Variants in OVCH1 observed in about 807,000 individuals in gnomAD.
OVCH1 encodes ovochymase 1, also known as ovochymase-1.
OVCH1 carries 139 observed loss-of-function variants against 138.4 expected under a neutral mutation model. That is an observed-to-expected ratio of 1.00 (90% CI 0.87 to 1.16). OVCH1 has a LOEUF of 1.16. Ranked by LOEUF, OVCH1 falls within the 50% of genes most tolerant of loss-of-function variation. The pLI is 0.00. For missense variants in OVCH1, 1,367 were observed against 1,357.9 expected (o/e 1.01, Z -0.11); for synonymous variants, 453 against 467.8 (o/e 0.97, Z 0.41).
chr12:29,479,076 A>G (rs530850741), intron 8 of OVCH1, among the ~76,000 whole-genome samples, 108 bp from the exon 10 acceptor site: 1 of 152,328 alleles, frequency 6.6e-6, no homozygotes, highest in South Asian at 2.1e-4. Context: ...ATACAATTTT[A>G]TAGAATACGA....
chr12:29,496,282 C>T lies in OVCH1; in HGVS notation c.184-4G>A, dbSNP rs757401536. Reference sequence around the variant, plus strand: ...GCTCATCTGATTTTAGGGAGACCTACCCAAGAAGAAAGTTACAAATGCAGC... The same window carrying T: ...GCTCATCTGATTTTAGGGAGACCTATCCAAGAAGAAAGTTACAAATGCAGC... On this transcript the variant is annotated splice_region_variant and splice_polypyrimidine_tract_variant and intron_variant, in intron 2 of 27. Coordinates refer to ENST00000318184, the Ensembl canonical transcript of OVCH1. The T allele has an allele frequency of 6.9e-6, 11 of 1,593,842 alleles. No homozygotes were observed. The highest frequency in any genetic ancestry group is 2.2e-5 in the East Asian group (1 of 44,470).
the OVCH1 span, among the ~76,000 whole-genome samples, chr12:29,402,975 A>T: frequency 3.3e-5 from 5 of 152,200 alleles, no homozygotes; most frequent in African/African-American, 7.2e-5. Flanking sequence ...TTAGACAAAG[A>T]TTATTAACCA....
chr12:29,466,897 A>C (rs1316923606), intron 16 of OVCH1, among the ~76,000 whole-genome samples: 2 of 152,256 alleles, frequency 1.3e-5, no homozygotes, highest in East Asian at 3.9e-4. Flanking sequence ...CTGTTTCTTC[A>C]GGAAAAGTAA....
At chr12:29,476,054 G>A (rs888293456) in intron 13 of OVCH1, among the ~76,000 whole-genome samples, 152 bp downstream of exon 13, 14 of 152,142 alleles carry the variant, frequency 9.2e-5, no homozygotes, top group Non-Finnish European at 1.9e-4. Flanking sequence ...TGGCTCATAG[G>A]TTTTAAAGCT....
Position 29,477,095 on chromosome 12 carries a change from T to G in OVCH1, c.1377+7A>C. ...TTATGAGGTAGAGCGATTCCTCAGT[T>G]GCCTACCTTTATAATGTGCTTCTCT... is the stretch of plus-strand genomic sequence containing the variant. On this transcript the variant is annotated splice_region_variant and intron_variant, in intron 12 of 27. Coordinates refer to ENST00000318184, the Ensembl canonical transcript of OVCH1. 1 of 1,596,122 alleles carries G rather than the reference T, an allele frequency of 6.3e-7. No homozygotes were observed. Among genetic ancestry groups the G allele is most frequent in the Non-Finnish European group, 8.5e-7 (1 of 1,170,748 alleles).
chr12:29,485,455 A>G (rs1235061439), intron 8 of OVCH1, among the ~76,000 whole-genome samples: 2 of 152,010 alleles, frequency 1.3e-5, no homozygotes, highest in African/African-American at 4.8e-5. Flanking sequence ...AGCCTGGCCA[A>G]CATGGTGAAA....
intron 14 of OVCH1, among the ~76,000 whole-genome samples, chr12:29,474,430 T>A (rs983522317): frequency 3.0e-4 from 45 of 152,226 alleles, no homozygotes; most frequent in Non-Finnish European, 1.0e-4. Flanking sequence ...GAGGAATAAA[T>A]GAGATAATGC....
At chr12:29,479,319 C>T (rs1942848822) in intron 8 of OVCH1, among the ~76,000 whole-genome samples, 1 of 152,184 alleles carries the variant, frequency 6.6e-6, no homozygotes, top group Non-Finnish European at 1.5e-5. Context: ...TTATGGTTCT[C>T]ATGAATTATG....
chr12:29,404,465 T>C, the OVCH1 span, among the ~76,000 whole-genome samples: 1 of 152,172 alleles, frequency 6.6e-6, no homozygotes, highest in Non-Finnish European at 1.5e-5. Flanking sequence ...CACAACCTAA[T>C]AGAAAACTAT....
chr12:29,471,759 A>ATGCATG, intron 16 of OVCH1, 43 bp downstream of exon 16: 1 of 1,546,192 alleles, frequency 6.5e-7, no homozygotes, highest in East Asian at 2.4e-5. Flanking sequence ...TTACTTACAA[A>ATGCATG]TGCATGTGCT....
intron 4 of OVCH1, among the ~76,000 whole-genome samples, chr12:29,493,793 A>C (rs1943337784): frequency 6.6e-6 from 1 of 152,106 alleles, no homozygotes; most frequent in African/African-American, 2.4e-5. Flanking sequence ...CTATCTTGAA[A>C]TTTGTAACCT....
intron 6 of OVCH1, among the ~76,000 whole-genome samples, chr12:29,488,999 C>CTT (rs3842288): frequency 0.38 from 58,297 of 151,764 alleles, 11,536 homozygotes; most frequent in East Asian, 0.55. Context: ...TTTCAAGCTG[C>CTT]TTTTTGGCCA....
intron 16 of OVCH1, among the ~76,000 whole-genome samples, chr12:29,471,221 T>C (rs1462860365): frequency 1.3e-5 from 2 of 152,230 alleles, no homozygotes; most frequent in Non-Finnish European, 2.9e-5. Flanking sequence ...AAATATATTA[T>C]GTATATTATT....
At chr12:29,445,361 C>G in exon 23 of OVCH1, 1 of 1,611,094 alleles carries the variant, frequency 6.2e-7, no homozygotes, top group Non-Finnish European at 8.5e-7. Context: ...CGGTCCAGGA[C>G]TCATGAAAGT....
chr12:29,478,237 T>A (rs1265027375), intron 9 of OVCH1, among the ~76,000 whole-genome samples: 1 of 152,192 alleles, frequency 6.6e-6, no homozygotes, highest in Admixed American at 6.5e-5. Context: ...AATTGTGTTA[T>A]GAGAAGGAAA....
chr12:29,476,282 A>C, exon 13 of OVCH1: 1 of 1,612,836 alleles, frequency 6.2e-7, no homozygotes, highest in Non-Finnish European at 8.5e-7. Flanking sequence ...ATTTGACAGC[A>C]AAGTCCTCAA....
chr12:29,489,208 G>A (rs1781521382), intron 6 of OVCH1, among the ~76,000 whole-genome samples: 1 of 152,144 alleles, frequency 6.6e-6, no homozygotes, highest in Non-Finnish European at 1.5e-5. Flanking sequence ...ACACAACAGT[G>A]ACTAAAGCTA....
Position 29,486,252 on chromosome 12 carries a change from T to TC in OVCH1, c.988_989insG (p.Lys330ArgfsTer13), listed in dbSNP as rs996983908. The stretch of plus-strand genomic sequence containing the variant: ...TCTCTAATTAGAACCACACATACCC[T>TC]TTCCTCTCTGGCTTCCATTCACTTC... On this transcript the variant is annotated frameshift_variant, in exon 8 of 28. Coordinates refer to ENST00000318184, the Ensembl canonical transcript of OVCH1. LOFTEE classifies it high-confidence loss of function. 4 of 1,610,772 alleles carry TC rather than the reference T, an allele frequency of 2.5e-6. No individual in the cohort carries two copies. The highest frequency in any genetic ancestry group is 1.3e-5 in the African/African-American group (1 of 74,820).
intron 15 of OVCH1, among the ~76,000 whole-genome samples, chr12:29,472,787 G>A (rs1326656969): frequency 6.6e-6 from 1 of 152,188 alleles, no homozygotes; most frequent in Non-Finnish European, 1.5e-5. Context: ...AGGAATGAAT[G>A]AGGACAAAAC....
Sources: gnomAD v4.1 joint callset for allele counts (sites outside exome capture counted in the v4.1 genomes callset) on GRCh38, gnomAD v4.1.1 for gene constraint, MANE v1.5 for transcripts, NCBI Gene and HGNC (gene_info 2026-07-23, HGNC 2026-07-21) for gene names.